Variants in RASSF3 observed in about 807,000 individuals in gnomAD.
RASSF3 encodes the protein ras association domain-containing protein 3.
RASSF3 carries 19 observed loss-of-function variants against 19.9 expected under a neutral mutation model. The ratio of observed to expected loss-of-function variants is 0.96; its 90% CI spans 0.67 to 1.40. The LOEUF (loss-of-function observed/expected upper bound fraction) is 1.40, where lower values mean the gene tolerates loss of function less well. Among genes scored for constraint, RASSF3 ranks in the 40% most tolerant of loss-of-function variants. The pLI, the probability that RASSF3 is intolerant of heterozygous loss-of-function variation, is 0.00. For synonymous variants in RASSF3, 110 were observed against 104.2 expected (o/e 1.06, Z -0.34); for missense variants, 306 against 289.8 (o/e 1.06, Z -0.41).
chr12:64,667,046 G>C (rs59998584), intron 1 of RASSF3, among the ~76,000 whole-genome samples: 6,002 of 152,052 alleles, frequency 0.039, 425 homozygotes, highest in African/African-American at 0.14. Context: ...TTAATGGGTA[G>C]GGGAGCCAGA....
chr12:64,660,490 G>A (rs1046489188), intron 1 of RASSF3, among the ~76,000 whole-genome samples: 1 of 152,038 alleles, frequency 6.6e-6, no homozygotes, highest in Non-Finnish European at 1.5e-5. Context: ...CACCTGGCTT[G>A]GTGCTATGAG....
intron 1 of RASSF3, among the ~76,000 whole-genome samples, chr12:64,619,859 A>T (rs1341571846): frequency 1.3e-5 from 2 of 151,320 alleles, no homozygotes; most frequent in Admixed American, 1.3e-4. Flanking sequence ...GCATGCCTGT[A>T]CTCCCAGCTA....
rs150285863 is a variant in RASSF3, at chr12:64,511,588, A to G, written c.169+4259A>G. 2.6e-5 allele frequency among the ~76,000 whole-genome samples: 4 copies of G among 152,314 alleles called. No homozygotes were observed. In the East Asian group the frequency reaches 5.8e-4, roughly 22 times the overall value. On this transcript the variant is annotated intron_variant, in intron 1 of 5. Transcript: ENST00000637125. ...TGGAAACTGGCCTCCTTTTCTGTGT[A>G]ACCTGCTCCAGGGCACTTTGGGGTT...
chr12:64,663,613 C>T (rs962791157), intron 1 of RASSF3, among the ~76,000 whole-genome samples: 1 of 151,828 alleles, frequency 6.6e-6, no homozygotes, highest in African/African-American at 2.4e-5. Flanking sequence ...TCCAGTGATC[C>T]TCCCACCTCA....
At chr12:64,541,966 C>T (rs10878187), downstream of RASSF3, among the ~76,000 whole-genome samples, 22,945 of 152,026 alleles carry the variant, frequency 0.15, 2,258 homozygotes, top group African/African-American at 0.28. Flanking sequence ...AGGCTTTCAT[C>T]TGCTTGATTA....
intron 1 of RASSF3, among the ~76,000 whole-genome samples, chr12:64,664,941 C>A (rs187532370): frequency 1.3e-5 from 2 of 152,178 alleles, no homozygotes; most frequent in Admixed American, 1.3e-4. Flanking sequence ...TATTTCAGTT[C>A]TCTATATAGT....
At chr12:64,510,145 T>G (rs966992680) in intron 1 of RASSF3, among the ~76,000 whole-genome samples, 16 of 152,254 alleles carry the variant, frequency 1.1e-4, no homozygotes, top group Non-Finnish European at 1.9e-4. Flanking sequence ...ATGGGATTAT[T>G]TAAATATATG....
intron 1 of RASSF3, among the ~76,000 whole-genome samples, chr12:64,660,014 ATG>A (rs35834353): frequency 4.9e-4 from 72 of 148,358 alleles, no homozygotes; most frequent in Non-Finnish European, 8.2e-4. Flanking sequence ...GTGTATATAT[ATG>A]TGTGTGTGTG....
chr12:64,514,245 G>A (rs1868347024), intron 1 of RASSF3, among the ~76,000 whole-genome samples: 1 of 145,500 alleles, frequency 6.9e-6, no homozygotes, highest in South Asian at 2.2e-4. Flanking sequence ...CCAGGCTGGA[G>A]TGCAGTGGCA....
At chr12:64,577,207 G>T (rs1426706959) in intron 2 of RASSF3, among the ~76,000 whole-genome samples, 1 of 152,164 alleles carries the variant, frequency 6.6e-6, no homozygotes, top group Non-Finnish European at 1.5e-5. Context: ...GCCCCATAAG[G>T]GTTGTGATGG....
At chr12:64,567,874 C>T (rs1869455758) in intron 2 of RASSF3, among the ~76,000 whole-genome samples, 2 of 152,204 alleles carry the variant, frequency 1.3e-5, no homozygotes, top group African/African-American at 2.4e-5. Context: ...GAGACACAGC[C>T]TTTCCATCGG....
intron 1 of RASSF3, among the ~76,000 whole-genome samples, chr12:64,615,556 A>G (rs1870524788): frequency 6.6e-6 from 1 of 152,200 alleles, no homozygotes; most frequent in African/African-American, 2.4e-5. Context: ...TTATTGCTAG[A>G]ATCAACAGTA....
At chr12:64,536,100 G>C (rs967371031) in intron 1 of RASSF3, among the ~76,000 whole-genome samples, 18 of 147,656 alleles carry the variant, frequency 1.2e-4, no homozygotes, top group Admixed American at 1.4e-4. Flanking sequence ...CTGGGTTCAC[G>C]CCATTCCCCT....
At chr12:64,631,585 ATGTT>A (rs1871170227) in intron 1 of RASSF3, among the ~76,000 whole-genome samples, 1 of 139,146 alleles carries the variant, frequency 7.2e-6, no homozygotes, top group African/African-American at 2.6e-5. Flanking sequence ...GTATGTATGT[ATGTT>A]GAGACATAGT....
At chr12:64,559,246 CTTTTTTTTTT>C (rs56100965) in intron 2 of RASSF3, among the ~76,000 whole-genome samples, 1 of 140,788 alleles carries the variant, frequency 7.1e-6, no homozygotes, top group African/African-American at 2.6e-5. Flanking sequence ...TTCTTTTTTT[CTTTTTTTTTT>C]TTTTTGAGGC....
intron 1 of RASSF3, among the ~76,000 whole-genome samples, chr12:64,647,257 T>A (rs567917948): frequency 1.3e-4 from 19 of 150,716 alleles, no homozygotes; most frequent in South Asian, 8.3e-4. Context: ...TTATTTATTT[T>A]ATTTTTTTTA....
At chr12:64,525,901 C>A (rs553749470) in intron 1 of RASSF3, among the ~76,000 whole-genome samples, 1 of 147,602 alleles carries the variant, frequency 6.8e-6, no homozygotes, top group South Asian at 2.2e-4. Context: ...ATCATCAGCA[C>A]GTTACCTCCG....
chr12:64,532,186 G>A (rs1868723101), upstream of RASSF3, among the ~76,000 whole-genome samples: 1 of 152,184 alleles, frequency 6.6e-6, no homozygotes, highest in African/African-American at 2.4e-5. Flanking sequence ...CCCCTCTCAG[G>A]ATGGATTGCC....
At chr12:64,641,414 A>ACACACACACACATGCGCGCGCG in intron 1 of RASSF3, among the ~76,000 whole-genome samples, 1 of 142,100 alleles carries the variant, frequency 7.0e-6, no homozygotes, top group African/African-American at 2.8e-5. Flanking sequence ...ACACACACAC[A>ACACACACACACATGCGCGCGCG]CGCGCGCGCG....
Sources: gnomAD v4.1 joint callset for allele counts (sites outside exome capture counted in the v4.1 genomes callset) on GRCh38, gnomAD v4.1.1 for gene constraint, MANE v1.5 for transcripts, NCBI Gene and HGNC (gene_info 2026-07-23, HGNC 2026-07-21) for gene names.